Variants in CRHR2 observed in about 807,000 individuals in gnomAD.
The protein encoded by CRHR2 is corticotropin-releasing hormone receptor 2.
Under a neutral mutation model 57.9 loss-of-function variants are expected in CRHR2, and 53 were observed. The observed-to-expected ratio is 0.92, with a 90% CI of 0.73 to 1.15. The LOEUF (loss-of-function observed/expected upper bound fraction) is 1.15. Ranked by LOEUF, CRHR2 falls within the 50% of genes most tolerant of loss-of-function variation. CRHR2 has a pLI of 0.00. For missense variants in CRHR2, 532 were observed against 542.6 expected, an observed-to-expected ratio of 0.98 and a Z score of 0.19; for synonymous variants, 213 against 220.9, an observed-to-expected ratio of 0.96 and a Z score of 0.32.
At chr7:30,676,646 C>A (rs1784526486) in intron 2 of CRHR2, among the ~76,000 whole-genome samples, 1 of 152,252 alleles carries the variant, frequency 6.6e-6, no homozygotes, top group African/African-American at 2.4e-5. Context: ...GCACAAGCCT[C>A]CTTGATAAGC....
chr7:30,653,635 G>A lies in CRHR2; in HGVS notation c.1096-35C>T, dbSNP rs781562417. 1 of 1,583,602 alleles carries A rather than the reference G, an allele frequency of 6.3e-7. No homozygotes were observed. Among genetic ancestry groups the A allele is most frequent in the Non-Finnish European group, 8.6e-7 (1 of 1,169,482 alleles). ...AGGCAGAGGCTCAGCTGGCTCCCAGGGACCAACCCTGGGCTTCTGGGACCA... is the reference window on the plus strand; with the variant it reads ...AGGCAGAGGCTCAGCTGGCTCCCAGAGACCAACCCTGGGCTTCTGGGACCA... On this transcript the variant is annotated intron_variant, in intron 11 of 11. Coordinates refer to ENST00000471646, the MANE Select transcript of CRHR2 (RefSeq NM_001883.5). The surrounding 1 kb of genome is among the most constrained non-coding windows in gnomAD (Gnocchi z 5.0).
At chr7:30,675,586 C>T (rs75253929) in intron 2 of CRHR2, among the ~76,000 whole-genome samples, 3,343 of 152,156 alleles carry the variant, frequency 0.022, 121 homozygotes, top group African/African-American at 0.076. Flanking sequence ...CTTATTCTTC[C>T]CTCCCTCCTC....
intron 1 of CRHR2, among the ~76,000 whole-genome samples, chr7:30,693,238 A>G (rs756331300): frequency 6.6e-6 from 1 of 152,208 alleles, no homozygotes; most frequent in Non-Finnish European, 1.5e-5. Flanking sequence ...AGTTCTAATG[A>G]GGTGACTCTT....
intron 1 of CRHR2, among the ~76,000 whole-genome samples, chr7:30,692,502 C>A (rs1327852050): frequency 6.6e-6 from 1 of 152,312 alleles, no homozygotes; most frequent in East Asian, 1.9e-4. Flanking sequence ...GGAGCGGAAT[C>A]TAAAAGGATG....
rs1783780487 is a variant in CRHR2, at chr7:30,656,102, C to T, written c.832-90G>A. The T allele has an allele frequency of 2.4e-6, 3 of 1,241,558 alleles. No individual in the cohort carries two copies. Among genetic ancestry groups the T allele is most frequent in the Non-Finnish European group, 3.5e-6 (3 of 854,556 alleles). 76.9% of individuals were successfully genotyped at this position (1,241,558 alleles called of 1,614,324 possible). A position where few individuals can be genotyped will look rare whatever the true frequency, so the allele number is the denominator to read the frequency against. On this transcript the variant is annotated intron_variant, in intron 8 of 11. Transcript: ENST00000471646. The surrounding 1 kb of genome is among the most constrained non-coding windows in gnomAD (Gnocchi z 4.4). ...AGGCAGCCCCCTTCCCCGCAGACCC[C>T]TGGAAACCGATGTCCCACGCACACA...
At chr7:30,666,675 A>C (rs527582004) in intron 3 of CRHR2, among the ~76,000 whole-genome samples, 8 of 152,332 alleles carry the variant, frequency 5.3e-5, no homozygotes, top group Non-Finnish European at 1.0e-4. Flanking sequence ...TGAGGAGGGG[A>C]TGGAGCTGAG....
intron 6 of CRHR2, 148 bp downstream of exon 6, chr7:30,662,546 C>T: frequency 1.1e-6 from 1 of 946,012 alleles, no homozygotes; most frequent in East Asian, 2.6e-5. Flanking sequence ...TGTTCCTCAC[C>T]AGCATGGAGG....
At chr7:30,694,145 C>A (rs1785012001) in intron 1 of CRHR2, among the ~76,000 whole-genome samples, 1 of 152,212 alleles carries the variant, frequency 6.6e-6, no homozygotes, top group Non-Finnish European at 1.5e-5. Flanking sequence ...AAACCATGGC[C>A]CCCTCAGCCA....
upstream of CRHR2, among the ~76,000 whole-genome samples, chr7:30,685,999 A>T (rs781055167): frequency 1.3e-5 from 2 of 151,530 alleles, no homozygotes; most frequent in Non-Finnish European, 2.9e-5. Context: ...CCAGAACAAC[A>T]TGTCATTCCT....
rs1395070692 is a variant in CRHR2, at chr7:30,692,501, T to C, written c.-260-3217A>G. ...CGGCGAACTGGACATTGGAGCGGAA[T>C]CTAAAAGGATGGAAGGACTTGGGCC... On this transcript the variant is annotated intron_variant, in intron 1 of 13. Coordinates refer to the CRHR2 transcript ENST00000341843. 2.0e-5 allele frequency among the ~76,000 whole-genome samples: 3 copies of C among 152,180 alleles called. No individual in the cohort carries two copies. In the East Asian group the frequency reaches 5.8e-4, roughly 29 times the overall value.
At chr7:30,658,285 C>T (rs1477231052) in intron 8 of CRHR2, among the ~76,000 whole-genome samples, 1 of 152,208 alleles carries the variant, frequency 6.6e-6, no homozygotes, top group African/African-American at 2.4e-5. Flanking sequence ...ACCCTGCCCT[C>T]GTTCAGCCTG....
chr7:30,667,470 T>C (rs1163322056), intron 2 of CRHR2, among the ~76,000 whole-genome samples, 157 bp from the exon 3 acceptor site: 2 of 152,258 alleles, frequency 1.3e-5, no homozygotes, highest in Non-Finnish European at 2.9e-5. Context: ...GTCACTTATG[T>C]GAAAATAGCA....
Position 30,653,550 on chromosome 7 carries a change from G to A in CRHR2, c.1146C>T (p.Ser382=). ...KRWHRWQDHH[S]LRVPMARAMS... is the part of the protein sequence containing the mutation. ...TGGCCCGGGCCATGGGGACTCGAAGGGAGTGATGGTCCTGCCAGCGGTGCC... is the reference window on the plus strand; with the variant it reads ...TGGCCCGGGCCATGGGGACTCGAAGAGAGTGATGGTCCTGCCAGCGGTGCC... The change falls in exon 12 of 12, where the codon TCC becomes TCT. Residue 382 remains serine, a synonymous_variant. Coordinates refer to ENST00000471646, the MANE Select transcript of CRHR2 (RefSeq NM_001883.5). The surrounding 1 kb of genome is among the most constrained non-coding windows in gnomAD (Gnocchi z 5.0). 1 of 1,613,334 alleles carries A rather than the reference G, an allele frequency of 6.2e-7. No individual in the cohort carries two copies. Among genetic ancestry groups the A allele is most frequent in the East Asian group, 2.2e-5 (1 of 44,830 alleles).
intron 2 of CRHR2, among the ~76,000 whole-genome samples, chr7:30,668,996 C>T (rs984605209): frequency 2.6e-5 from 4 of 152,170 alleles, no homozygotes; most frequent in African/African-American, 7.2e-5. Context: ...TACCTCAACT[C>T]GTGAGGGTCA....
chr7:30,683,315 A>G (rs1015230823), upstream of CRHR2, among the ~76,000 whole-genome samples: 4 of 152,196 alleles, frequency 2.6e-5, no homozygotes, highest in African/African-American at 7.2e-5. Context: ...GCAGGGCTTC[A>G]CCTGACCCTG....
Position 30,653,991 on chromosome 7 carries a change from C to T in CRHR2, c.1096-391G>A, listed in dbSNP as rs1444042242. On this transcript the variant is annotated intron_variant, in intron 11 of 11. Transcript: ENST00000471646. This position sits in a 1 kb window ranked among gnomAD's most constrained non-coding sequence, Gnocchi z 5.0. The stretch of plus-strand genomic sequence containing the variant: ...CCTTGCAGGGCGTTGGTGGTGTGCG[C>T]CCAGCTCACACACCTGGTGCGCCTC... Among the ~76,000 whole-genome samples, 1 of 152,024 alleles carries T rather than the reference C, an allele frequency of 6.6e-6. No homozygotes were observed. Among genetic ancestry groups the T allele is most frequent in the East Asian group, 1.9e-4 (1 of 5,146 alleles).
At position 30,668,787 on chromosome 7, in the gene CRHR2, G is replaced by A. The variant is rs6958909; in HGVS notation, c.230-1474C>T. Reference sequence around the variant, plus strand: ...GCCTATTCCTTCCTCCTGGGCCAAGGCCCATCCCTGGCAGGGCCCTGCCAT... The same window carrying A: ...GCCTATTCCTTCCTCCTGGGCCAAGACCCATCCCTGGCAGGGCCCTGCCAT... On this transcript the variant is annotated intron_variant, in intron 2 of 11. Coordinates refer to ENST00000471646, the MANE Select transcript of CRHR2 (RefSeq NM_001883.5). Among the ~76,000 whole-genome samples, 320 of 152,262 alleles carry A rather than the reference G, an allele frequency of 2.1e-3. 3 individuals carry two copies. Among genetic ancestry groups the A allele is most frequent in the African/African-American group, 7.5e-3 (310 of 41,554 alleles).
chr7:30,663,480 G>A (rs78819491), intron 5 of CRHR2, among the ~76,000 whole-genome samples: 2 of 152,202 alleles, frequency 1.3e-5, no homozygotes, highest in South Asian at 4.1e-4. Context: ...GCCTTCCAGG[G>A]TGGTTGAAGG....
intron 1 of CRHR2, chr7:30,689,399 G>T: frequency 1.2e-6 from 1 of 850,160 alleles, no homozygotes; most frequent in Non-Finnish European, 1.9e-6. Flanking sequence ...GTACAGAGAG[G>T]GAGAACAAGG....
Sources: gnomAD v4.1 joint callset for allele counts (sites outside exome capture counted in the v4.1 genomes callset) on GRCh38, gnomAD v4.1.1 for gene constraint, Gnocchi (gnomAD v3.1) non-coding constraint, MANE v1.5 for transcripts, NCBI Gene and HGNC (gene_info 2026-07-23, HGNC 2026-07-21) for gene names.